Variants in ECPAS observed in about 807,000 individuals in gnomAD.
The protein encoded by ECPAS is proteasome adapter and scaffold protein ECM29.
ECPAS carries 70 observed loss-of-function variants against 255.1 expected under a neutral mutation model. The observed-to-expected ratio is 0.27, with a 90% CI of 0.23 to 0.33. The LOEUF (loss-of-function observed/expected upper bound fraction) is 0.33. Among genes scored for constraint, ECPAS ranks in the 10% least tolerant of loss-of-function variants. The pLI is 1.00. For missense variants in ECPAS, 1,817 were observed against 2,206.4 expected (o/e 0.82, Z 3.54); for synonymous variants, 784 against 775.0 (o/e 1.01, Z -0.19).
At chr9:111,426,108 C>T (rs919033976) in intron 10 of ECPAS, among the ~76,000 whole-genome samples, 1 of 152,220 alleles carries the variant, frequency 6.6e-6, no homozygotes, top group Non-Finnish European at 1.5e-5. Flanking sequence ...TGGGTCACCA[C>T]TCAGCTATTC....
At chr9:111,400,976 C>A (rs1019393342) in intron 24 of ECPAS, among the ~76,000 whole-genome samples, 1 of 151,996 alleles carries the variant, frequency 6.6e-6, no homozygotes, top group Non-Finnish European at 1.5e-5. Flanking sequence ...ATAATAAACT[C>A]ACAAAGGTCA....
intron 24 of ECPAS, among the ~76,000 whole-genome samples, chr9:111,402,524 A>G (rs2098177715): frequency 6.6e-6 from 1 of 152,250 alleles, no homozygotes; most frequent in Non-Finnish European, 1.5e-5. Flanking sequence ...TCTTTGTATT[A>G]GAGTATCTTC....
chr9:111,480,206 T>G (rs2098302449), intron 1 of ECPAS, among the ~76,000 whole-genome samples: 2 of 151,918 alleles, frequency 1.3e-5, no homozygotes, highest in African/African-American at 4.8e-5. Context: ...AGTTTGCTTT[T>G]ACTATCATCT....
intron 37 of ECPAS, among the ~76,000 whole-genome samples, chr9:111,376,181 C>T (rs961248954): frequency 1.3e-4 from 20 of 152,284 alleles, no homozygotes; most frequent in Admixed American, 3.9e-4. Flanking sequence ...CAACTCTGAA[C>T]CTTTCTAAAT....
intron 10 of ECPAS, among the ~76,000 whole-genome samples, chr9:111,427,379 T>C (rs886808191): frequency 6.6e-6 from 1 of 152,214 alleles, no homozygotes; most frequent in Admixed American, 6.5e-5. Context: ...TGACTCAGCT[T>C]TGTCACTTAA....
chr9:111,412,041 C>G lies in ECPAS; in HGVS notation c.2187G>C (p.Gln729His). Reference protein sequence around the residue: ...SGNELKSMIEQLIKTTKDNHS... With the variant: ...SGNELKSMIEHLIKTTKDNHS... ...GATTGTCTTTTGTAGTCTTTATAAGCTGTTCTATCATTGATTTCAACTCAT... is the reference window on the plus strand; with the variant it reads ...GATTGTCTTTTGTAGTCTTTATAAGGTGTTCTATCATTGATTTCAACTCAT... Residue 729 changes from glutamine (Q) to histidine (H), a missense_variant, in exon 21 of 50, where the codon CAG becomes CAC. By Grantham distance (24) the Gln-to-His change is conservative (BLOSUM62 0). This residue lies in a region of ECPAS where 194 missense variants were observed against 152.8 expected (regional missense o/e 1.27). Transcript: ENST00000684092. 1 of 1,578,788 alleles carries G rather than the reference C, an allele frequency of 6.3e-7. No homozygotes were observed. Among genetic ancestry groups the G allele is most frequent in the Non-Finnish European group, 8.5e-7 (1 of 1,170,034 alleles).
intron 3 of ECPAS, among the ~76,000 whole-genome samples, chr9:111,447,020 T>C (rs755188429): frequency 5.9e-5 from 9 of 152,216 alleles, no homozygotes; most frequent in Non-Finnish European, 1.3e-4. Context: ...CTTCTGACAT[T>C]GTAATCTAGG....
intron 8 of ECPAS, among the ~76,000 whole-genome samples, chr9:111,432,587 C>G (rs2098231690): frequency 6.6e-6 from 1 of 152,208 alleles, no homozygotes; most frequent in Non-Finnish European, 1.5e-5. Flanking sequence ...GCACTCCTGC[C>G]TGGGCAACAG....
At chr9:111,381,120 T>C (rs2098140046) in intron 35 of ECPAS, among the ~76,000 whole-genome samples, 1 of 152,270 alleles carries the variant, frequency 6.6e-6, no homozygotes, top group African/African-American at 2.4e-5. Flanking sequence ...TTTCAGCCTA[T>C]CTCAGCTTTC....
chr9:111,391,457 A>T (rs2098160020), intron 29 of ECPAS, among the ~76,000 whole-genome samples: 1 of 152,006 alleles, frequency 6.6e-6, no homozygotes, highest in Admixed American at 6.5e-5. Context: ...GGTGCCTGTA[A>T]TCTCAGTTAC....
At chr9:111,469,972 A>G (rs891264820) in intron 2 of ECPAS, among the ~76,000 whole-genome samples, 2 of 152,162 alleles carry the variant, frequency 1.3e-5, no homozygotes, top group Non-Finnish European at 2.9e-5. Flanking sequence ...AAACATAAAT[A>G]TAAGTTGGGA....
rs765553674 is a variant in ECPAS, at chr9:111,389,704, T to C, written c.3299A>G (p.Asn1100Ser). ...CTCTCCAGCTCTGGTAGCAATTACATTAAAACCAAAAGCAGCACCCTAAAA... is the reference window on the plus strand; with the variant it reads ...CTCTCCAGCTCTGGTAGCAATTACACTAAAACCAAAAGCAGCACCCTAAAA... ...NSRKGAAFGFNVIATRAGEQL... is the reference protein window; with the variant it reads ...NSRKGAAFGFSVIATRAGEQL... Residue 1100 changes from asparagine to serine, a missense_variant, in exon 31 of 50, where the codon AAT (asparagine) becomes AGT (serine). Asn to Ser is a conservative substitution (Grantham distance 46). This residue lies in a region of ECPAS where 960 missense variants were observed against 1,179.0 expected (regional missense o/e 0.81). Coordinates refer to ENST00000684092, the MANE Select transcript of ECPAS (RefSeq NM_001364929.1). The C allele has an allele frequency of 9.9e-6, 16 of 1,612,000 alleles. No individual in the cohort carries two copies.
At chr9:111,406,448 A>T (rs1468393603) in intron 24 of ECPAS, among the ~76,000 whole-genome samples, 1 of 149,922 alleles carries the variant, frequency 6.7e-6, no homozygotes, top group Non-Finnish European at 1.5e-5. Context: ...GCAGCACAAC[A>T]GGGCAACAAT....
intron 7 of ECPAS, among the ~76,000 whole-genome samples, chr9:111,436,114 T>C (rs1252144477): frequency 6.6e-6 from 1 of 152,086 alleles, no homozygotes; most frequent in African/African-American, 2.4e-5. Flanking sequence ...TTCTATAAAT[T>C]TGTGAATGGC....
chr9:111,422,234 TA>T (rs1173300342), intron 13 of ECPAS, 34 bp from the exon 14 acceptor site: 2 of 1,588,328 alleles, frequency 1.3e-6, no homozygotes, highest in African/African-American at 1.4e-5. Flanking sequence ...GTTACTATCA[TA>T]AATTTCCAAG....
intron 31 of ECPAS, among the ~76,000 whole-genome samples, chr9:111,387,629 TGA>T (rs2098151753): frequency 6.6e-6 from 1 of 151,686 alleles, no homozygotes. Flanking sequence ...GTGCAGTTAC[TGA>T]GAGACAGTGT....
chr9:111,369,404 T>G (rs7019815), intron 45 of ECPAS, among the ~76,000 whole-genome samples: 47,175 of 152,054 alleles, frequency 0.31, 8,949 homozygotes, highest in Non-Finnish European at 0.44. Context: ...AGCTAAAAAA[T>G]ACTGCATATG....
intron 21 of ECPAS, chr9:111,411,805 T>TAAA: frequency 2.1e-6 from 1 of 466,862 alleles, no homozygotes; most frequent in Non-Finnish European, 3.7e-6. Flanking sequence ...TCCTAGCACC[T>TAAA]AAAACAGTGC....
chr9:111,399,196 A>AG (rs1416714959), intron 24 of ECPAS, among the ~76,000 whole-genome samples: 1 of 152,094 alleles, frequency 6.6e-6, no homozygotes, highest in East Asian at 1.9e-4. Context: ...CTTAAAATTG[A>AG]GAAAAAAAAA....
Sources: allele counts gnomAD v4.1 joint callset (sites outside exome capture counted in the v4.1 genomes callset), GRCh38; gene constraint gnomAD v4.1.1; regional missense constraint gnomAD v4.1.1; transcripts MANE v1.5; gene names NCBI Gene and HGNC (gene_info 2026-07-23, HGNC 2026-07-21).